The following NMNAT1 variants were observed in gnomAD, a reference collection of about 807,000 sequenced individuals.
NMNAT1 encodes the protein nicotinamide nucleotide adenylyltransferase 1.
A neutral mutation model predicts 16.7 loss-of-function variants in NMNAT1; 11 were observed. That is an observed-to-expected ratio of 0.66 (90% CI 0.41 to 1.09). The LOEUF (loss-of-function observed/expected upper bound fraction) is 1.09. Ranked by LOEUF, NMNAT1 falls within the 50% of genes least tolerant of loss-of-function variation. NMNAT1 has a pLI of 0.00. For synonymous variants in NMNAT1, 110 were observed against 119.8 expected, an observed-to-expected ratio of 0.92 and a Z score of 0.53; for missense variants, 280 against 332.3, an observed-to-expected ratio of 0.84 and a Z score of 1.22.
In NMNAT1 at chr1:9,962,751, G is replaced by A. The variant is rs548884214; in HGVS notation, c.-56-9267G>A. Reference sequence around the variant, plus strand: ...GGCTGGAGTGCAGTGGCGCGATCTCGGCTCACTGCAAGCTCCGCCTCCCGG... The same window carrying A: ...GGCTGGAGTGCAGTGGCGCGATCTCAGCTCACTGCAAGCTCCGCCTCCCGG... On this transcript the variant is annotated intron_variant, in intron 1 of 4. Transcript: ENST00000377205. Among the ~76,000 whole-genome samples, 42 of 132,676 alleles carry A rather than the reference G, an allele frequency of 3.2e-4. No individual in the cohort carries two copies. The East Asian group carries it at 4.2e-3, about 13-fold the overall frequency. The allele number at this position is 132,676 out of a possible 152,430, so 87.0% of individuals were successfully genotyped here. A position where few individuals can be genotyped will look rare whatever the true frequency, so the allele number is the denominator to read the frequency against.
intron 1 of NMNAT1, among the ~76,000 whole-genome samples, chr1:9,969,549 C>T (rs1158841597): frequency 2.6e-5 from 4 of 152,058 alleles, no homozygotes; most frequent in South Asian, 2.1e-4. Context: ...GCCAGGAGTT[C>T]GAGACCAGCC....
At chr1:9,954,201 G>C (rs535387141) in intron 1 of NMNAT1, among the ~76,000 whole-genome samples, 2 of 152,054 alleles carry the variant, frequency 1.3e-5, no homozygotes, top group Non-Finnish European at 2.9e-5. Context: ...AGAATGTTGA[G>C]AATAGAGACC....
intron 1 of NMNAT1, among the ~76,000 whole-genome samples, chr1:9,956,732 T>A (rs1318410085): frequency 3.4e-5 from 4 of 118,496 alleles, no homozygotes; most frequent in Admixed American, 2.5e-4. Context: ...CTTGTTTACC[T>A]TTTTTTTTTT....
intron 2 of NMNAT1, among the ~76,000 whole-genome samples, chr1:9,974,817 C>T (rs1216499907): frequency 6.6e-6 from 1 of 152,114 alleles, no homozygotes; most frequent in Admixed American, 6.6e-5. Context: ...AGCCACCACA[C>T]CTGGCCTCGA....
chr1:9,972,673 T>C (rs985346227), intron 2 of NMNAT1, among the ~76,000 whole-genome samples: 2 of 151,238 alleles, frequency 1.3e-5, no homozygotes, highest in African/African-American at 4.9e-5. Context: ...GAATAGAAAA[T>C]ACAGCCAGGT....
At chr1:9,977,556 CT>C (rs1641841753) in intron 3 of NMNAT1, among the ~76,000 whole-genome samples, 1 of 152,060 alleles carries the variant, frequency 6.6e-6, no homozygotes, top group Non-Finnish European at 1.5e-5. Flanking sequence ...GATTTAAGTA[CT>C]TAGGCAAAAA....
intron 3 of NMNAT1, among the ~76,000 whole-genome samples, chr1:9,976,080 A>G (rs1641806801): frequency 1.3e-5 from 2 of 152,214 alleles, no homozygotes; most frequent in African/African-American, 4.8e-5. Context: ...TGAGGTCAGG[A>G]GTTCGAGACC....
downstream of NMNAT1, among the ~76,000 whole-genome samples, chr1:9,985,955 G>C (rs988247410): frequency 3.3e-5 from 5 of 152,122 alleles, no homozygotes; most frequent in African/African-American, 4.8e-5. Flanking sequence ...TGCCCAGATA[G>C]GGTTTTTGAC....
chr1:9,964,540 C>T (rs912703427), intron 1 of NMNAT1, among the ~76,000 whole-genome samples: 12 of 151,286 alleles, frequency 7.9e-5, no homozygotes, highest in African/African-American at 1.7e-4. Flanking sequence ...AACAAGACCC[C>T]GTCTCAAAAA....
chr1:9,957,509 G>C (rs1160626692), intron 1 of NMNAT1, among the ~76,000 whole-genome samples: 5 of 145,520 alleles, frequency 3.4e-5, no homozygotes, highest in African/African-American at 7.7e-5. Flanking sequence ...TGGCCAGGCT[G>C]GTCTCGAACT....
intron 1 of NMNAT1, among the ~76,000 whole-genome samples, chr1:9,944,974 C>A (rs965526987): frequency 1.3e-5 from 2 of 152,204 alleles, no homozygotes; most frequent in South Asian, 4.1e-4. Context: ...TGGCTCATGC[C>A]TGTAATCCCA....
At chr1:9,968,014 T>C (rs1641590985) in intron 1 of NMNAT1, among the ~76,000 whole-genome samples, 2 of 151,278 alleles carry the variant, frequency 1.3e-5, no homozygotes, top group Admixed American at 1.3e-4. Context: ...GTAACATAAT[T>C]TGCAACATTC....
At chr1:9,945,369 C>A (rs2101630157) in intron 1 of NMNAT1, among the ~76,000 whole-genome samples, 1 of 152,300 alleles carries the variant, frequency 6.6e-6, no homozygotes, top group South Asian at 2.1e-4. Context: ...GTGACAGAGT[C>A]AGTGCCATAC....
intron 1 of NMNAT1, among the ~76,000 whole-genome samples, chr1:9,965,584 G>T (rs1216941910): frequency 6.6e-6 from 1 of 151,668 alleles, no homozygotes; most frequent in African/African-American, 2.4e-5. Flanking sequence ...TGTATTTTTG[G>T]TAGAGATGGG....
intron 3 of NMNAT1, among the ~76,000 whole-genome samples, chr1:9,980,450 C>T (rs997460704): frequency 4.4e-5 from 2 of 45,464 alleles, no homozygotes; most frequent in South Asian, 1.7e-3. Flanking sequence ...GAAACCCCGT[C>T]ACTACTAAAA....
intron 4 of NMNAT1, chr1:9,981,810 CTT>C (rs139634047): frequency 6.5e-6 from 1 of 154,670 alleles, no homozygotes; most frequent in Non-Finnish European, 1.4e-5. Flanking sequence ...TCCTGGGTCT[CTT>C]TTGGGAATCT....
intron 1 of NMNAT1, among the ~76,000 whole-genome samples, chr1:9,958,058 T>A (rs1161559083): frequency 6.6e-6 from 1 of 152,184 alleles, no homozygotes. Flanking sequence ...AAGCTCAGTT[T>A]ACCCACAGCT....
intron 1 of NMNAT1, among the ~76,000 whole-genome samples, chr1:9,962,129 T>C (rs945631546): frequency 6.6e-6 from 1 of 152,028 alleles, no homozygotes; most frequent in Non-Finnish European, 1.5e-5. Flanking sequence ...CCTATCTTGT[T>C]TCATCCCGTC....
At chr1:9,961,546 G>A (rs1279603208) in intron 1 of NMNAT1, among the ~76,000 whole-genome samples, 1 of 152,064 alleles carries the variant, frequency 6.6e-6, no homozygotes, top group African/African-American at 2.4e-5. Flanking sequence ...TGGGTATCGA[G>A]GGCCTGGGGT....
Sources: allele counts gnomAD v4.1 joint callset (sites outside exome capture counted in the v4.1 genomes callset), GRCh38; gene constraint gnomAD v4.1.1; transcripts MANE v1.5; gene names NCBI Gene and HGNC (gene_info 2026-07-23, HGNC 2026-07-21).